Variants in POGZ observed in about 807,000 individuals in gnomAD.
POGZ encodes the protein pogo transposable element with ZNF domain.
POGZ carries 17 observed loss-of-function variants against 134.6 expected under a neutral mutation model. The ratio of observed to expected loss-of-function variants is 0.13; its 90% CI spans 0.09 to 0.19. The LOEUF is 0.19. POGZ is among the 10% of genes least tolerant of loss of function. POGZ has a pLI of 1.00. For missense variants in POGZ, 1,306 were observed against 1,769.7 expected, an observed-to-expected ratio of 0.74 and a Z score of 4.70; for synonymous variants, 693 against 657.1, an observed-to-expected ratio of 1.05 and a Z score of -0.84.
rs763498173 is a variant in POGZ, at chr1:151,440,914, A to G, written c.283+14T>C. 2 of 1,609,782 alleles carry G rather than the reference A, an allele frequency of 1.2e-6. No individual in the cohort carries two copies. The highest frequency in any genetic ancestry group is 1.7e-6 in the Non-Finnish European group (2 of 1,176,400). On this transcript the variant is annotated intron_variant, in intron 3 of 18. Coordinates refer to ENST00000271715, the MANE Select transcript of POGZ (RefSeq NM_015100.4). ...TCTAGCCCAGGATTATTATTTCCCA[A>G]TAATCCCACTTACCATTGTTGTTGG...
chr1:151,423,737 A>G lies in POGZ; in HGVS notation c.1524-186T>C, dbSNP rs535537720. On this transcript the variant is annotated intron_variant, in intron 9 of 18. Coordinates refer to ENST00000271715, the MANE Select transcript of POGZ (RefSeq NM_015100.4). ...CTTGAAACTAAGAGAGTTCTGGGAA[A>G]GGAGACATACTGCTTTCCCTTACTC... is the stretch of plus-strand genomic sequence containing the variant. 1.5e-3 allele frequency among the ~76,000 whole-genome samples: 228 copies of G among 152,148 alleles called. 1 individual carries two copies. The highest frequency in any genetic ancestry group is 3.4e-3 in the Admixed American group (52 of 15,266).
chr1:151,440,932 G>A lies in POGZ; in HGVS notation c.279C>T (p.Asn93=). The change falls in exon 3 of 19, where the codon AAC becomes AAT. Residue 93 remains asparagine (N), a synonymous_variant. Coordinates refer to ENST00000271715, the MANE Select transcript of POGZ (RefSeq NM_015100.4). Reference sequence around the variant, plus strand: ...TTTCCCAATAATCCCACTTACCATTGTTGTTGGCAATTAGTGTGACAAGAG... The same window carrying A: ...TTTCCCAATAATCCCACTTACCATTATTGTTGGCAATTAGTGTGACAAGAG... ...KKTLVTLIAN[N]NAGNPLVQQG... 1.9e-6 allele frequency: 3 copies of A among 1,612,628 alleles called. No individual in the cohort carries two copies. The highest frequency in any genetic ancestry group is 2.5e-6 in the Non-Finnish European group (3 of 1,178,906).
intron 3 of POGZ, among the ~76,000 whole-genome samples, chr1:151,434,504 A>C (rs1659261857): frequency 6.6e-6 from 1 of 152,186 alleles, no homozygotes; most frequent in Non-Finnish European, 1.5e-5. Flanking sequence ...AAAACCTAAG[A>C]AACAAATGAA....
At chr1:151,428,444 G>A in intron 5 of POGZ, 31 bp from the exon 6 acceptor site, 1 of 1,602,640 alleles carries the variant, frequency 6.2e-7, no homozygotes. Flanking sequence ...ACCAGATCTT[G>A]GTCAGTGAGC....
In POGZ at chr1:151,415,665, C is replaced by T. The variant is rs550991602; in HGVS notation, c.1679-3269G>A. Among the ~76,000 whole-genome samples the T allele has an allele frequency of 4.5e-5, 6 of 134,822 alleles. No homozygotes were observed. In the East Asian group the frequency reaches 6.3e-4, roughly 14 times the overall value. The allele number at this position is 134,822 out of a possible 152,430, so 88.4% of individuals were successfully genotyped here. ...CAGCCTGGGCAAAAGAGCGAGACTC[C>T]GTCTCAAAAAAAAAAAAAAAAAAAA... On this transcript the variant is annotated intron_variant, in intron 10 of 18. Transcript: ENST00000271715.
In POGZ at chr1:151,404,081, T is replaced by C. The variant is rs995170338; in HGVS notation, c.*721A>G. On this transcript the variant is annotated 3_prime_UTR_variant, in exon 19 of 19. Coordinates refer to ENST00000271715, the MANE Select transcript of POGZ (RefSeq NM_015100.4). ...GAAGGTGGTGAGGAAAAGACAAATCTATTCATTCTGGATAATTAAAGGTGG... is the reference window on the plus strand; with the variant it reads ...GAAGGTGGTGAGGAAAAGACAAATCCATTCATTCTGGATAATTAAAGGTGG... 1.0e-5 allele frequency: 10 copies of C among 985,434 alleles called. No homozygotes were observed. The highest frequency in any genetic ancestry group is 1.2e-5 in the Non-Finnish European group (10 of 829,932). The allele number at this position is 985,434 out of a possible 1,614,324, so 61.0% of individuals were successfully genotyped here.
In POGZ at chr1:151,404,007, G is replaced by A. The variant is rs945655617; in HGVS notation, c.*795C>T. The A allele has an allele frequency of 2.4e-5, 24 of 985,260 alleles. No individual in the cohort carries two copies. The African/African-American group carries it at 4.0e-4, about 16-fold the overall frequency. 61.0% of individuals were successfully genotyped at this position (985,260 alleles called of 1,614,324 possible). ...GATGGTGTTGAGAATGGGGAAAGGG[G>A]CCAAGGATCACAAGTGCAAAAAATA... On this transcript the variant is annotated 3_prime_UTR_variant, in exon 19 of 19. Coordinates refer to ENST00000271715, the MANE Select transcript of POGZ (RefSeq NM_015100.4).
intron 1 of POGZ, among the ~76,000 whole-genome samples, chr1:151,447,642 A>AATTTTTTT (rs1263133268): frequency 1.9e-5 from 1 of 52,936 alleles, no homozygotes; most frequent in African/African-American, 6.5e-5. Flanking sequence ...TGTCTGGCTA[A>AATTTTTTT]TTTTTTTTTT....
rs1326394512 is a variant in POGZ, at chr1:151,405,568, C to A, written c.3467G>T (p.Trp1156Leu). The change falls in exon 19 of 19, where the codon TGG becomes TTG. Residue 1156 changes from tryptophan (W) to leucine (L), a missense_variant. This residue lies in a region of POGZ where 161 missense variants were observed against 185.4 expected (regional missense o/e 0.87). Transcript: ENST00000271715. This position sits in a 1 kb window ranked among gnomAD's most constrained non-coding sequence, Gnocchi z 4.9. ...ALQTVGTGEP[W>L]CDVVLAILAD... ...CAGAATGGCTAGGACTACATCACAC[C>A]AAGGTTCCCCTGTGCCCACTGTCTG... is the stretch of plus-strand genomic sequence containing the variant. 1 of 1,614,144 alleles carries A rather than the reference C, an allele frequency of 6.2e-7. No homozygotes were observed.
At chr1:151,457,622 A>C (rs945738157) in intron 1 of POGZ, among the ~76,000 whole-genome samples, 2 of 152,178 alleles carry the variant, frequency 1.3e-5, no homozygotes, top group African/African-American at 2.4e-5. Context: ...CTAGTTGGGT[A>C]AATGCCTACA....
At chr1:151,440,325 A>AC (rs1326471059) in intron 3 of POGZ, among the ~76,000 whole-genome samples, 2 of 152,094 alleles carry the variant, frequency 1.3e-5, no homozygotes, top group Non-Finnish European at 2.9e-5. Context: ...GAAAGTGCCT[A>AC]CTTCAGTTAT....
intron 1 of POGZ, among the ~76,000 whole-genome samples, chr1:151,447,411 A>C (rs983578485): frequency 4.6e-5 from 7 of 151,940 alleles, no homozygotes; most frequent in African/African-American, 1.7e-4. Context: ...TGCCTAAAAA[A>C]CTGATAATCC....
chr1:151,422,027 G>C (rs901825747), intron 10 of POGZ, among the ~76,000 whole-genome samples: 3 of 152,178 alleles, frequency 2.0e-5, no homozygotes, highest in African/African-American at 7.2e-5. Flanking sequence ...GGGATTACAG[G>C]TGTGAGCCAC....
chr1:151,453,315 T>C (rs2102426401), intron 1 of POGZ, among the ~76,000 whole-genome samples: 1 of 152,122 alleles, frequency 6.6e-6, no homozygotes, highest in South Asian at 2.1e-4. Flanking sequence ...AGCTGTGATA[T>C]TCTGTACTGC....
chr1:151,430,741 A>G lies in POGZ; in HGVS notation c.384T>C (p.Pro128=). The G allele has an allele frequency of 6.2e-7, 1 of 1,608,686 alleles. No homozygotes were observed. Among genetic ancestry groups the G allele is most frequent in the Non-Finnish European group, 8.5e-7 (1 of 1,177,712 alleles). ...GATTGGCATTCTGCATGACCTGAAC[A>G]GGCCTCAATACTGGTTGAGTAACCA... ...GTMVTQPVLR[P]VQVMQNANHV... is the part of the protein sequence containing the mutation. Residue 128 remains proline (P), a synonymous_variant, in exon 4 of 19, where the codon CCT becomes CCC. Transcript: ENST00000271715.
At chr1:151,445,178 T>C in intron 1 of POGZ, among the ~76,000 whole-genome samples, 1 of 152,192 alleles carries the variant, frequency 6.6e-6, no homozygotes, top group South Asian at 2.1e-4. Context: ...TCCTTAGGTA[T>C]GAGTACTGCC....
rs764570962 is a variant in POGZ at position 151,405,429 on chromosome 1, G to A, written c.3606C>T (p.Asp1202=). The change falls in exon 19 of 19, where the codon GAC becomes GAT. Residue 1202 remains aspartate (D), a synonymous_variant. Transcript: ENST00000271715. The surrounding 1 kb of genome is among the most constrained non-coding windows in gnomAD (Gnocchi z 4.9). ...GAGTTGACCACAGCTCCATGATCTC[G>A]TCATCACTGTAGCCACTCTCCTTTG... ...LEAKESGYSD[D]EIMELWSTRV... is the part of the protein sequence containing the mutation. 9 of 1,614,016 alleles carry A rather than the reference G, an allele frequency of 5.6e-6. No individual in the cohort carries two copies. Among genetic ancestry groups the A allele is most frequent in the East Asian group, 2.2e-5 (1 of 44,896 alleles).
intron 10 of POGZ, among the ~76,000 whole-genome samples, chr1:151,417,288 TC>T (rs778755684): frequency 7.9e-5 from 12 of 150,954 alleles, no homozygotes; most frequent in Non-Finnish European, 1.2e-4. Flanking sequence ...GGTCTCGATA[TC>T]CTGACCTCGT....
Position 151,403,099 on chromosome 1 carries a change from A to G in POGZ, c.*1703T>C, listed in dbSNP as rs1409345011. On this transcript the variant is annotated 3_prime_UTR_variant, in exon 19 of 19. Coordinates refer to ENST00000271715, the MANE Select transcript of POGZ (RefSeq NM_015100.4). ...AAAAAGCTGGGGAAGAGAAGCCCAGATGGATCCTTGGTTGTTTTCAGATGT... is the reference window on the plus strand; with the variant it reads ...AAAAAGCTGGGGAAGAGAAGCCCAGGTGGATCCTTGGTTGTTTTCAGATGT... The G allele has an allele frequency of 6.5e-6, 3 of 458,386 alleles. No homozygotes were observed. Among genetic ancestry groups the G allele is most frequent in the Non-Finnish European group, 2.9e-6 (1 of 348,208 alleles). 28.4% of individuals were successfully genotyped at this position (458,386 alleles called of 1,614,324 possible).
Sources: allele counts gnomAD v4.1 joint callset (sites outside exome capture counted in the v4.1 genomes callset), GRCh38; gene constraint gnomAD v4.1.1; regional missense constraint gnomAD v4.1.1; non-coding constraint Gnocchi (gnomAD v3.1); transcripts MANE v1.5; gene names NCBI Gene and HGNC (gene_info 2026-07-23, HGNC 2026-07-21).